Variants in HSPG2 observed in about 807,000 individuals in gnomAD.
HSPG2 encodes basement membrane-specific heparan sulfate proteoglycan core protein.
Under a neutral mutation model 526.6 loss-of-function variants are expected in HSPG2, and 278 were observed. The observed-to-expected ratio is 0.53, with a 90% confidence interval of 0.48 to 0.58. HSPG2 has a LOEUF of 0.58. HSPG2 is among the 20% of genes least tolerant of loss of function. The pLI, the probability that HSPG2 is intolerant of heterozygous loss-of-function variation, is 0.00. For missense variants in HSPG2, 5,354 were observed against 6,099.5 expected, an observed-to-expected ratio of 0.88 and a Z score of 4.07; for synonymous variants, 2,465 against 2,555.4, an observed-to-expected ratio of 0.96 and a Z score of 1.07.
In HSPG2 at chr1:21,858,546, ATGCC is replaced by A. The variant is rs998453702; in HGVS notation, c.5293+1016_5293+1019del. Among the ~76,000 whole-genome samples the A allele has an allele frequency of 6.6e-6, 1 of 152,066 alleles. No homozygotes were observed. Among genetic ancestry groups the A allele is most frequent in the African/African-American group, 2.4e-5 (1 of 41,408 alleles). On this transcript the variant is annotated intron_variant, in intron 42 of 96. Coordinates refer to ENST00000374695, the MANE Select transcript of HSPG2 (RefSeq NM_005529.7). The surrounding 1 kb of genome is among the most constrained non-coding windows in gnomAD (Gnocchi z 4.2). Reference sequence around the variant, plus strand: ...CTGGAGTTCAGACTCACATACCCAAATGCCTGCCTGGTGGACTCAATGAGATATC... The same window carrying A: ...CTGGAGTTCAGACTCACATACCCAAATGCCTGGTGGACTCAATGAGATATC...
rs371371189 is a variant in HSPG2 at position 21,884,758 on chromosome 1, C to T, written c.1507+9G>A. 3.6e-5 allele frequency: 58 copies of T among 1,613,048 alleles called. No individual in the cohort carries two copies. Among genetic ancestry groups the T allele is most frequent in the African/African-American group, 3.1e-4 (23 of 74,928 alleles). ...CCCACACCCGGTGACACCTGCCCTCCGGCAGTACCTCGTTGTGGGACGAGC... is the reference window on the plus strand; with the variant it reads ...CCCACACCCGGTGACACCTGCCCTCTGGCAGTACCTCGTTGTGGGACGAGC... On this transcript the variant is annotated intron_variant, in intron 12 of 96. Transcript: ENST00000374695.
Position 21,847,372 on chromosome 1 carries a change from T to A in HSPG2, c.8146A>T (p.Ser2716Cys). The change falls in exon 62 of 97, where the codon AGC becomes TGC. Residue 2716 changes from serine to cysteine, a missense_variant. Coordinates refer to ENST00000374695, the MANE Select transcript of HSPG2 (RefSeq NM_005529.7). The surrounding 1 kb of genome is among the most constrained non-coding windows in gnomAD (Gnocchi z 4.1). ...GACTCACCGGAGGGGCTGCCGGCGCTAGGGGAGACGGAGATGACGATGGAG... is the reference window on the plus strand; with the variant it reads ...GACTCACCGGAGGGGCTGCCGGCGCAAGGGGAGACGGAGATGACGATGGAG... ...EASIVISVSP[S>C]AGSPSAPGSS... is the part of the protein sequence containing the mutation. 6.2e-7 allele frequency: 1 copy of A among 1,613,876 alleles called. No homozygotes were observed. The highest frequency in any genetic ancestry group is 1.1e-5 in the South Asian group (1 of 91,078).
In HSPG2 at chr1:21,828,446, G is replaced by A. The variant is rs374368526; in HGVS notation, c.12238-20C>T. On this transcript the variant is annotated intron_variant, in intron 88 of 96. Transcript: ENST00000374695. This position sits in a 1 kb window ranked among gnomAD's most constrained non-coding sequence, Gnocchi z 6.0. ...TGACACCTGTGGGGACAGGGACACC[G>A]AGGGACTAAAGGGGCCTGGGAGGCA... 4 of 1,611,648 alleles carry A rather than the reference G, an allele frequency of 2.5e-6. No individual in the cohort carries two copies. Among genetic ancestry groups the A allele is most frequent in the Admixed American group, 3.3e-5 (2 of 59,972 alleles).
Position 21,847,269 on chromosome 1 carries a change from G to T in HSPG2, c.8164+85C>A. ...GCTGGCCCTTGCCTGAGTACCACCA[G>T]GTCTGAGGACTCTGACCTGAAAGTT... On this transcript the variant is annotated intron_variant, in intron 62 of 96. Coordinates refer to ENST00000374695, the MANE Select transcript of HSPG2 (RefSeq NM_005529.7). The surrounding 1 kb of genome is among the most constrained non-coding windows in gnomAD (Gnocchi z 4.1). 1 of 1,504,550 alleles carries T rather than the reference G, an allele frequency of 6.6e-7. No individual in the cohort carries two copies. The highest frequency in any genetic ancestry group is 9.2e-7 in the Non-Finnish European group (1 of 1,084,084). The allele number at this position is 1,504,550 out of a possible 1,614,324, so 93.2% of individuals were successfully genotyped here. A position where few individuals can be genotyped will look rare whatever the true frequency, so the allele number is the denominator to read the frequency against.
Position 21,880,418 on chromosome 1 carries a change from T to C in HSPG2, c.2140A>G (p.Thr714Ala), listed in dbSNP as rs748718898. The C allele has an allele frequency of 5.6e-6, 9 of 1,614,020 alleles. No individual in the cohort carries two copies. In the South Asian group the frequency reaches 9.9e-5, roughly 18 times the overall value. ...SVGLSDIAMDTTVTHATSHGR... is the reference protein window; with the variant it reads ...SVGLSDIAMDATVTHATSHGR... ...TGGCTGGTGGCATGGGTGACGGTGG[T>C]ATCCATGGCGATGTCGCTAAGTCCC... Residue 714 changes from threonine (T) to alanine (A), a missense_variant, in exon 16 of 97, where the codon ACC becomes GCC. Thr to Ala is a moderately conservative substitution (Grantham distance 58). Coordinates refer to ENST00000374695, the MANE Select transcript of HSPG2 (RefSeq NM_005529.7).
At position 21,922,644 on chromosome 1, in the gene HSPG2, G is replaced by C. The variant is rs186089617; in HGVS notation, c.63+14511C>G. ...TTCTGGGAGATGAGGTGGAGGTGTG[G>C]GGGGAAGGAGGAAGCACCTGAAGCC... On this transcript the variant is annotated intron_variant, in intron 1 of 96. Coordinates refer to ENST00000374695, the MANE Select transcript of HSPG2 (RefSeq NM_005529.7). Among the ~76,000 whole-genome samples, 67 of 152,276 alleles carry C rather than the reference G, an allele frequency of 4.4e-4. No individual in the cohort carries two copies. The East Asian group carries it at 0.012, about 26-fold the overall frequency.
intron 55 of HSPG2, 141 bp downstream of exon 55, chr1:21,851,405 T>G: frequency 8.0e-7 from 1 of 1,255,164 alleles, no homozygotes; most frequent in Non-Finnish European, 1.1e-6. Flanking sequence ...AGATTCTGGT[T>G]TCTAACCACT....
chr1:21,880,006 C>G, intron 17 of HSPG2, 101 bp downstream of exon 17: 1 of 1,375,542 alleles, frequency 7.3e-7, no homozygotes, highest in Non-Finnish European at 1.0e-6. Context: ...GCAGTCATGA[C>G]AGTCATTCTG....
intron 29 of HSPG2, among the ~76,000 whole-genome samples, chr1:21,873,723 G>T (rs892152198): frequency 4.6e-5 from 7 of 152,200 alleles, no homozygotes; most frequent in African/African-American, 1.7e-4. Context: ...CCGCAGGCTA[G>T]GATGTGTGTC....
At chr1:21,873,280 C>G in intron 30 of HSPG2, 95 bp downstream of exon 30, 1 of 1,435,264 alleles carries the variant, frequency 7.0e-7, no homozygotes, top group Non-Finnish European at 9.8e-7. Context: ...CAGGCTCGGA[C>G]AGGCAAAGCC....
rs765235330 is a variant in HSPG2 at position 21,880,186 on chromosome 1, C to T, written c.2264G>A (p.Gly755Glu). The change falls in exon 17 of 97, where the codon GGG becomes GAG. Residue 755 changes from glycine to glutamate, a missense_variant. Coordinates refer to ENST00000374695, the MANE Select transcript of HSPG2 (RefSeq NM_005529.7). ...ACCAGAGCAGGTGCCCAGGTAGGGC[C>T]CACCAGGCACCCGAGTGAAGTGGGC... ...CDAHFTRVPG[G>E]PYLGTCSGCN... 3 of 1,614,010 alleles carry T rather than the reference C, an allele frequency of 1.9e-6. No individual in the cohort carries two copies. Among genetic ancestry groups the T allele is most frequent in the Admixed American group, 1.7e-5 (1 of 60,008 alleles).
intron 27 of HSPG2, 40 bp from the exon 28 acceptor site, chr1:21,874,573 G>A (rs761565460): frequency 1.2e-6 from 2 of 1,613,926 alleles, no homozygotes; most frequent in Non-Finnish European, 8.5e-7. Context: ...GGCCTCCAGA[G>A]GCCACAGATT....
chr1:21,890,271 G>A lies in HSPG2; in HGVS notation c.414-130C>T. The A allele has an allele frequency of 3.1e-6, 4 of 1,305,052 alleles. No homozygotes were observed. The highest frequency in any genetic ancestry group is 4.4e-6 in the Non-Finnish European group (4 of 907,088). The allele number at this position is 1,305,052 out of a possible 1,614,324, so 80.8% of individuals were successfully genotyped here. On this transcript the variant is annotated intron_variant, in intron 5 of 96. Transcript: ENST00000374695. The surrounding 1 kb of genome is among the most constrained non-coding windows in gnomAD (Gnocchi z 4.1). The stretch of plus-strand genomic sequence containing the variant: ...CTGTACCCAAAGAAGGGCAACTAAA[G>A]GTCCCAATGATCCCCCGACCAATTC...
intron 1 of HSPG2, among the ~76,000 whole-genome samples, chr1:21,915,492 G>A (rs900916770): frequency 2.6e-5 from 4 of 152,180 alleles, no homozygotes; most frequent in African/African-American, 9.7e-5. Context: ...CAGGCAAAGG[G>A]AGAGTGAGAG....
chr1:21,823,328 G>A lies in HSPG2; in HGVS notation c.13164C>T (p.Pro4388=). The A allele has an allele frequency of 6.5e-7, 1 of 1,539,422 alleles. No individual in the cohort carries two copies. Among genetic ancestry groups the A allele is most frequent in the Non-Finnish European group, 8.7e-7 (1 of 1,144,824 alleles). ...GGCAGGCAGGTGCCTACGAGGGGCAGGGGCGTGTGTTGGCCCCGGCCTGGG... is the reference window on the plus strand; with the variant it reads ...GGCAGGCAGGTGCCTACGAGGGGCAAGGGCGTGTGTTGGCCCCGGCCTGGG... The part of the protein sequence containing the change: ...HRAQAGANTR[P]CPS The change falls in exon 97 of 97, where the codon CCC becomes CCT. Residue 4388 remains proline (P), a synonymous_variant. Coordinates refer to ENST00000374695, the MANE Select transcript of HSPG2 (RefSeq NM_005529.7).
In HSPG2 at chr1:21,872,645, G is replaced by A. The variant is rs776998907; in HGVS notation, c.4004C>T (p.Ala1335Val). The change falls in exon 32 of 97, where the codon GCC becomes GTC. Residue 1335 changes from alanine (A) to valine (V), a missense_variant. Coordinates refer to ENST00000374695, the MANE Select transcript of HSPG2 (RefSeq NM_005529.7). This position sits in a 1 kb window ranked among gnomAD's most constrained non-coding sequence, Gnocchi z 5.5. Reference protein sequence around the residue: ...CFCMGITQQCASSAYTRHLIS... With the variant: ...CFCMGITQQCVSSAYTRHLIS... ...CAGGTGGCGTGTGTAGGCAGAGCTGGCGCACTGCTGGGTGATGCCCATACA... is the reference window on the plus strand; with the variant it reads ...CAGGTGGCGTGTGTAGGCAGAGCTGACGCACTGCTGGGTGATGCCCATACA... The A allele has an allele frequency of 6.3e-7, 1 of 1,594,468 alleles. No homozygotes were observed. The highest frequency in any genetic ancestry group is 8.5e-7 in the Non-Finnish European group (1 of 1,172,174).
chr1:21,851,437 G>C, intron 55 of HSPG2, 109 bp downstream of exon 55: 1 of 1,518,824 alleles, frequency 6.6e-7, no homozygotes, highest in South Asian at 1.1e-5. Flanking sequence ...CTGTGCAATG[G>C]GGTCCAGGGC....
At chr1:21,877,291 C>T (rs1326901623) in intron 21 of HSPG2, among the ~76,000 whole-genome samples, 2 of 150,182 alleles carry the variant, frequency 1.3e-5, no homozygotes, top group Non-Finnish European at 2.9e-5. Context: ...GCTTTCCATT[C>T]GACATCACCT....
intron 76 of HSPG2, 173 bp from the exon 77 acceptor site, chr1:21,835,118 A>G: frequency 1.3e-6 from 1 of 756,410 alleles, no homozygotes; most frequent in Non-Finnish European, 2.3e-6. Flanking sequence ...GGTCTTATGC[A>G]TTTACTCACT....
Sources: gnomAD v4.1 joint callset for allele counts (sites outside exome capture counted in the v4.1 genomes callset) on GRCh38, gnomAD v4.1.1 for gene constraint, Gnocchi (gnomAD v3.1) non-coding constraint, MANE v1.5 for transcripts, NCBI Gene and HGNC (gene_info 2026-07-23, HGNC 2026-07-21) for gene names.